Variants in COL25A1 observed in about 807,000 individuals in gnomAD.
COL25A1 encodes collagen type XXV alpha 1 chain.
A neutral mutation model predicts 128.4 loss-of-function variants in COL25A1; 103 were observed. The observed-to-expected ratio is 0.80, with a 90% CI of 0.68 to 0.94. The LOEUF is 0.94. Ranked by LOEUF, COL25A1 falls within the 40% of genes least tolerant of loss-of-function variation. COL25A1 has a pLI of 0.00. For missense variants in COL25A1, 745 were observed against 840.0 expected (o/e 0.89, Z 1.40); for synonymous variants, 279 against 277.2 (o/e 1.01, Z -0.06).
chr4:109,127,203 A>G (rs1768703067), intron 3 of COL25A1, among the ~76,000 whole-genome samples: 1 of 152,206 alleles, frequency 6.6e-6, no homozygotes, highest in South Asian at 2.1e-4. Flanking sequence ...GATACATTTG[A>G]GTATGAGGAC....
At chr4:108,830,598 CTGAGTAAATACA>C (rs1732979899) in intron 32 of COL25A1, among the ~76,000 whole-genome samples, 1 of 152,228 alleles carries the variant, frequency 6.6e-6, no homozygotes, top group Non-Finnish European at 1.5e-5. Flanking sequence ...AGTTAACATG[CTGAGTAAATACA>C]AGAGTAACAC....
intron 15 of COL25A1, 25 bp from the exon 16 acceptor site, chr4:108,896,736 T>C: frequency 1.2e-6 from 2 of 1,605,624 alleles, no homozygotes; most frequent in Non-Finnish European, 1.7e-6. Context: ...AAGTGACACA[T>C]GTAAAATACA....
At position 109,086,536 on chromosome 4, in the gene COL25A1, G is replaced by T. The variant is rs541350429; in HGVS notation, c.368-36357C>A. On this transcript the variant is annotated intron_variant, in intron 3 of 37. Transcript: ENST00000399132. The stretch of plus-strand genomic sequence containing the variant: ...CTTTATAGTCGGATTTGAACCATAT[G>T]ACATTTAAAATATTCAAAAATAAAT... 3.4e-4 allele frequency among the ~76,000 whole-genome samples: 51 copies of T among 152,230 alleles called. 1 individual carries two copies. Among genetic ancestry groups the T allele is most frequent in the African/African-American group, 1.2e-3 (50 of 41,536 alleles).
At chr4:109,218,369 T>TTA in intron 3 of COL25A1, among the ~76,000 whole-genome samples, 1 of 140,906 alleles carries the variant, frequency 7.1e-6, no homozygotes. Context: ...TTTTTTTTTT[T>TTA]TTTTTTTTTT....
chr4:109,160,758 TGTAA>T (rs1226313651), intron 3 of COL25A1, among the ~76,000 whole-genome samples: 2 of 152,136 alleles, frequency 1.3e-5, no homozygotes, highest in Admixed American at 6.6e-5. Context: ...CGGCCTGACC[TGTAA>T]GTGAGGAAAG....
At chr4:109,273,097 G>A (rs1782312158) in intron 3 of COL25A1, among the ~76,000 whole-genome samples, 1 of 152,060 alleles carries the variant, frequency 6.6e-6, no homozygotes, top group Non-Finnish European at 1.5e-5. Flanking sequence ...GAGGGTATAT[G>A]AACTAAAGAC....
chr4:109,036,850 A>T (rs1238831558), intron 5 of COL25A1, among the ~76,000 whole-genome samples: 1 of 152,162 alleles, frequency 6.6e-6, no homozygotes, highest in African/African-American at 2.4e-5. Context: ...TTTCACTCTC[A>T]CCTGTGAAAA....
rs1398725700 is a variant in COL25A1, at chr4:108,852,267, G to A, written c.1358C>T (p.Pro453Leu). 3.1e-6 allele frequency: 5 copies of A among 1,590,830 alleles called. No homozygotes were observed. In the East Asian group the frequency reaches 9.0e-5, roughly 29 times the overall value. ...CCCTTGTAGTCCTTGAGGTCCAGGA[G>A]GTCCAGGGGGACCCTAAATCAAGAA... is the stretch of plus-strand genomic sequence containing the variant. The part of the protein sequence containing the change: ...TTLTVTGPPG[P>L]PGPQGLQGPK... Residue 453 changes from proline to leucine, a missense_variant, in exon 26 of 38, where the codon CCT (proline) becomes CTT (leucine). Coordinates refer to ENST00000399132, the MANE Select transcript of COL25A1 (RefSeq NM_198721.4).
intron 18 of COL25A1, among the ~76,000 whole-genome samples, chr4:108,888,503 C>T (rs1035124869): frequency 6.6e-6 from 1 of 152,288 alleles, no homozygotes; most frequent in Non-Finnish European, 1.5e-5. Context: ...TCCAAATGCT[C>T]AGACGATAAA....
At chr4:109,028,825 A>G (rs1402163010) in intron 5 of COL25A1, among the ~76,000 whole-genome samples, 2 of 152,194 alleles carry the variant, frequency 1.3e-5, no homozygotes, top group African/African-American at 2.4e-5. Context: ...TGAAAGAGTG[A>G]TAAGAACAAG....
At chr4:109,075,213 G>A (rs1055940603) in intron 3 of COL25A1, among the ~76,000 whole-genome samples, 13 of 152,198 alleles carry the variant, frequency 8.5e-5, no homozygotes, top group African/African-American at 2.9e-4. Context: ...TTTAACACCA[G>A]AACAGAATAT....
At chr4:109,173,919 A>G (rs1250909502) in intron 3 of COL25A1, among the ~76,000 whole-genome samples, 3 of 152,176 alleles carry the variant, frequency 2.0e-5, no homozygotes, top group African/African-American at 4.8e-5. Flanking sequence ...AAATACTCCA[A>G]TGAGTATTTC....
chr4:109,142,713 G>A (rs967831359), intron 3 of COL25A1, among the ~76,000 whole-genome samples: 1 of 151,784 alleles, frequency 6.6e-6, no homozygotes, highest in Non-Finnish European at 1.5e-5. Flanking sequence ...TGTTTTATCA[G>A]ACACTAGGAT....
intron 3 of COL25A1, among the ~76,000 whole-genome samples, chr4:109,074,714 T>C (rs1174764119): frequency 6.6e-6 from 1 of 152,170 alleles, no homozygotes. Flanking sequence ...GATTTACTCA[T>C]TTATAATAGT....
chr4:108,840,828 G>C (rs774019731), intron 31 of COL25A1, among the ~76,000 whole-genome samples: 6 of 152,166 alleles, frequency 3.9e-5, no homozygotes, highest in Non-Finnish European at 7.3e-5. Flanking sequence ...TTTATCAACA[G>C]CTGCACCAGA....
chr4:108,814,955 GGT>G (rs1192353960), intron 37 of COL25A1, among the ~76,000 whole-genome samples: 1 of 152,042 alleles, frequency 6.6e-6, no homozygotes, highest in Non-Finnish European at 1.5e-5. Flanking sequence ...TGCTCTACTA[GGT>G]GTGCTTTGGA....
chr4:108,846,027 T>C (rs1735047604), intron 28 of COL25A1, 112 bp downstream of exon 28: 1 of 668,490 alleles, frequency 1.5e-6, no homozygotes, highest in Non-Finnish European at 2.5e-6. Context: ...AAATATGAGA[T>C]GAACCACTAG....
At chr4:109,106,451 T>C (rs913490508) in intron 3 of COL25A1, among the ~76,000 whole-genome samples, 1 of 152,170 alleles carries the variant, frequency 6.6e-6, no homozygotes, top group Admixed American at 6.5e-5. Context: ...GACATTCTGA[T>C]ACTGTACACT....
At chr4:108,848,826 C>G (rs1421377163) in intron 26 of COL25A1, 23 bp from the exon 27 acceptor site, 1 of 1,595,346 alleles carries the variant, frequency 6.3e-7, no homozygotes, top group South Asian at 1.1e-5. Context: ...AAATAGATGA[C>G]TTGCCTCCAT....
Sources: allele counts gnomAD v4.1 joint callset (sites outside exome capture counted in the v4.1 genomes callset), GRCh38; gene constraint gnomAD v4.1.1; transcripts MANE v1.5; gene names NCBI Gene and HGNC (gene_info 2026-07-23, HGNC 2026-07-21).